Variants in TMEM63A observed in about 807,000 individuals in gnomAD.
TMEM63A encodes transmembrane protein 63A.
A neutral mutation model predicts 100.6 loss-of-function variants in TMEM63A; 76 were observed. The ratio of observed to expected loss-of-function variants is 0.76; its 90% CI spans 0.63 to 0.91. TMEM63A has a LOEUF of 0.91. Among genes scored for constraint, TMEM63A ranks in the 40% least tolerant of loss-of-function variants. The pLI is 0.00. For synonymous variants in TMEM63A, 401 were observed against 401.1 expected, an observed-to-expected ratio of 1.00 and a Z score of 0.00; for missense variants, 876 against 1,008.8, an observed-to-expected ratio of 0.87 and a Z score of 1.78.
intron 8 of TMEM63A, 139 bp from the exon 9 acceptor site, chr1:225,866,821 T>C: frequency 1.3e-6 from 1 of 784,640 alleles, no homozygotes. Flanking sequence ...CCCACAGAGG[T>C]TGTGTGGCCA....
rs746795549 is a variant in TMEM63A, at chr1:225,847,170, G to A, written c.2294C>T (p.Thr765Ile). ...CTGCTGCTGCTGCGGAGACAGTGCT[G>A]TCCTCTCCGAGGCCAAGCCGTTCAG... is the stretch of plus-strand genomic sequence containing the variant. The part of the protein sequence containing the change: ...RILNGLASER[T>I]ALSPQQQQQQ... Residue 765 changes from threonine (T) to isoleucine (I), a missense_variant, in exon 24 of 25, where the codon ACA (threonine) becomes ATA (isoleucine). Thr to Ile is a moderately conservative substitution (Grantham distance 89). Coordinates refer to ENST00000366835, the MANE Select transcript of TMEM63A (RefSeq NM_014698.3). The A allele has an allele frequency of 2.5e-6, 4 of 1,613,398 alleles. No individual in the cohort carries two copies. In the Admixed American group the frequency reaches 5.0e-5, roughly 20 times the overall value.
Position 225,856,934 on chromosome 1 carries a change from T to C in TMEM63A, c.1461A>G (p.Thr487=), listed in dbSNP as rs1553489632. ...ACTTGGTCCAGTGAGACTCCAGCAG[T>C]GTAGAGTAGTAGACAATGGAGGGGA... ...ALLPSIVYYS[T]LLESHWTKSG... is the part of the protein sequence containing the mutation. The change falls in exon 16 of 25, where the codon ACA becomes ACG. Residue 487 remains threonine, a synonymous_variant. Coordinates refer to ENST00000366835, the MANE Select transcript of TMEM63A (RefSeq NM_014698.3). 3.1e-6 allele frequency: 5 copies of C among 1,608,680 alleles called. No individual in the cohort carries two copies. The highest frequency in any genetic ancestry group is 4.2e-6 in the Non-Finnish European group (5 of 1,178,532).
chr1:225,845,725 C>A lies in TMEM63A; in HGVS notation c.*1214G>T. ...TGCACCAGACCAATGGCACCGCCCC[C>A]ACCCCTCCCAGCGCAGGGGCAGCTT... On this transcript the variant is annotated 3_prime_UTR_variant, in exon 25 of 25. Coordinates refer to ENST00000366835, the MANE Select transcript of TMEM63A (RefSeq NM_014698.3). 2.8e-6 allele frequency: 1 copy of A among 351,106 alleles called. No homozygotes were observed. The highest frequency in any genetic ancestry group is 2.7e-5 in the South Asian group (1 of 37,016). The allele number at this position is 351,106 out of a possible 1,614,324, so 21.7% of individuals were successfully genotyped here.
chr1:225,848,620 AAC>A (rs1236527128), intron 22 of TMEM63A, 66 bp from the exon 23 acceptor site: 14 of 1,529,944 alleles, frequency 9.2e-6, no homozygotes, highest in East Asian at 9.0e-5. Flanking sequence ...ACACCCTCCA[AAC>A]ACACAGACTA....
chr1:225,862,634 C>T lies in TMEM63A; in HGVS notation c.828-56G>A, dbSNP rs187107745. 19,948 of 1,601,180 alleles carry T rather than the reference C, an allele frequency of 0.012. 141 individuals are homozygous for T. The highest frequency in any genetic ancestry group is 0.014 in the Non-Finnish European group (16,901 of 1,172,010). On this transcript the variant is annotated intron_variant, in intron 11 of 24. Transcript: ENST00000366835. The surrounding 1 kb of genome is among the most constrained non-coding windows in gnomAD (Gnocchi z 5.1). Reference sequence around the variant, plus strand: ...CAGATTTAGAATCCTGTGGCAGGGACCCCCATACCCACAGTTCAACCATCG... The same window carrying T: ...CAGATTTAGAATCCTGTGGCAGGGATCCCCATACCCACAGTTCAACCATCG...
rs1668957444 is a variant in TMEM63A at position 225,845,986 on chromosome 1, G to A, written c.*953C>T. 1.3e-5 allele frequency: 2 copies of A among 156,524 alleles called. No homozygotes were observed. The highest frequency in any genetic ancestry group is 1.2e-4 in the Admixed American group (2 of 16,224). The allele number at this position is 156,524 out of a possible 1,614,324, so 9.7% of individuals were successfully genotyped here. A position where few individuals can be genotyped will look rare whatever the true frequency, so the allele number is the denominator to read the frequency against. ...CCTTGGTGCCCCCTGGAGGCAGCAG[G>A]GAGGAGGCTTCTCAGGCAGAAGTCT... On this transcript the variant is annotated 3_prime_UTR_variant, in exon 25 of 25. Transcript: ENST00000366835.
At chr1:225,869,666 C>CTT (rs10638876) in intron 6 of TMEM63A, among the ~76,000 whole-genome samples, 39 of 109,906 alleles carry the variant, frequency 3.5e-4, no homozygotes, top group East Asian at 1.3e-3. Flanking sequence ...CTTTTCTTTT[C>CTT]TTTTTTTTTT....
chr1:225,869,411 G>T (rs1431344806), intron 6 of TMEM63A, among the ~76,000 whole-genome samples: 1 of 152,172 alleles, frequency 6.6e-6, no homozygotes, highest in Non-Finnish European at 1.5e-5. Context: ...CCAGACCAGA[G>T]TTGACTGTCT....
Position 225,856,896 on chromosome 1 carries a change from C to T in TMEM63A, c.1484+15G>A, listed in dbSNP as rs1166848171. On this transcript the variant is annotated intron_variant, in intron 16 of 24. Transcript: ENST00000366835. ...CCTTCTTAGGGGCAGGGCCTCGGGG[C>T]TCCCGGGCACTCACTTGGTCCAGTG... 1 of 1,608,728 alleles carries T rather than the reference C, an allele frequency of 6.2e-7. No homozygotes were observed. The highest frequency in any genetic ancestry group is 1.3e-5 in the African/African-American group (1 of 74,612).
chr1:225,857,376 C>CGGGGTGGGGGGGGGGGGGGGGGGG (rs1213111924), intron 15 of TMEM63A, among the ~76,000 whole-genome samples: 2 of 3,266 alleles, frequency 6.1e-4, no homozygotes, highest in African/African-American at 1.2e-3. Flanking sequence ...GAGTCCTGGC[C>CGGGGTGGGGGGGGGGGGGGGGGGG]GGCGGGGCGG....
chr1:225,869,849 G>C (rs1402315710), intron 6 of TMEM63A, among the ~76,000 whole-genome samples: 1 of 151,296 alleles, frequency 6.6e-6, no homozygotes, highest in Non-Finnish European at 1.5e-5. Context: ...TTTTAGTAGA[G>C]ACGGAGTTTC....
intron 19 of TMEM63A, 115 bp from the exon 20 acceptor site, chr1:225,852,884 T>A (rs1480080290): frequency 2.7e-5 from 24 of 882,418 alleles, no homozygotes; most frequent in Non-Finnish European, 4.2e-5. Flanking sequence ...AAATAGGAGA[T>A]GCGTGGCTCC....
intron 2 of TMEM63A, 120 bp from the exon 3 acceptor site, chr1:225,877,714 A>T (rs1265208704): frequency 4.5e-6 from 4 of 895,222 alleles, no homozygotes; most frequent in Non-Finnish European, 6.6e-6. Context: ...GCAGTGAGCC[A>T]GCAGCAAGGA....
intron 20 of TMEM63A, 122 bp from the exon 21 acceptor site, chr1:225,850,201 T>A (rs921463893): frequency 1.9e-5 from 22 of 1,178,692 alleles, no homozygotes; most frequent in Non-Finnish European, 2.5e-5. Context: ...CTCTACTGCC[T>A]GAACACAAAA....
chr1:225,882,278 C>G (rs1324494392), intron 1 of TMEM63A, 26 bp downstream of exon 1: 1 of 148,932 alleles, frequency 6.7e-6, no homozygotes, highest in Non-Finnish European at 1.5e-5. Context: ...TGCATTGCCC[C>G]TCCTCACGCC....
chr1:225,849,540 A>G (rs1669215967), intron 21 of TMEM63A, among the ~76,000 whole-genome samples: 1 of 152,198 alleles, frequency 6.6e-6, no homozygotes, highest in Admixed American at 6.5e-5. Flanking sequence ...CAGCTGATAA[A>G]GGCACTATCT....
At chr1:225,872,787 C>T (rs1307834932) in intron 4 of TMEM63A, among the ~76,000 whole-genome samples, 3 of 150,056 alleles carry the variant, frequency 2.0e-5, no homozygotes, top group Admixed American at 6.7e-5. Flanking sequence ...CTCTGCCACC[C>T]GGGTTCAAGC....
At chr1:225,863,052 G>T in intron 10 of TMEM63A, 1 of 570,692 alleles carries the variant, frequency 1.8e-6, no homozygotes, top group Non-Finnish European at 3.1e-6. Flanking sequence ...GAGGGCTTTT[G>T]TTTTGTTTTG....
chr1:225,850,343 A>G (rs1446170013), intron 20 of TMEM63A, among the ~76,000 whole-genome samples: 2 of 151,856 alleles, frequency 1.3e-5, no homozygotes, highest in Non-Finnish European at 2.9e-5. Context: ...ATAAAGTTAT[A>G]GGAAATAGAC....
Sources: allele counts gnomAD v4.1 joint callset (sites outside exome capture counted in the v4.1 genomes callset), GRCh38; gene constraint gnomAD v4.1.1; non-coding constraint Gnocchi (gnomAD v3.1); transcripts MANE v1.5; gene names NCBI Gene and HGNC (gene_info 2026-07-23, HGNC 2026-07-21).